The following TM9SF4 variants were observed in gnomAD, a reference collection of about 807,000 sequenced individuals.
TM9SF4 encodes the protein dinucleotide oxidase disulfide thiol exchanger 3 superfamily member 4.
In TM9SF4, 26 loss-of-function variants were observed where a neutral mutation model predicts 90.4. The ratio of observed to expected loss-of-function variants is 0.29; its 90% confidence interval spans 0.21 to 0.40. TM9SF4 has a LOEUF of 0.40. TM9SF4 is among the 10% of genes least tolerant of loss of function. The pLI is 1.00. For missense variants in TM9SF4, 549 were observed against 834.8 expected, an observed-to-expected ratio of 0.66 and a Z score of 4.22; for synonymous variants, 293 against 315.4, an observed-to-expected ratio of 0.93 and a Z score of 0.75.
rs118130159 is a variant in TM9SF4 at position 32,135,132 on chromosome 20, A to G, written c.130-942A>G. ...TTTTTGTAACATTTCGATGGGTTCT[A>G]TTTTGTCTGTGGTTTCCAGAGCTAT... is the stretch of plus-strand genomic sequence containing the variant. On this transcript the variant is annotated intron_variant, in intron 2 of 17. Coordinates refer to ENST00000398022, the MANE Select transcript of TM9SF4 (RefSeq NM_014742.4). 1.4e-3 allele frequency among the ~76,000 whole-genome samples: 212 copies of G among 152,210 alleles called. 5 individuals carry two copies. In the East Asian group the frequency reaches 0.036, roughly 26 times the overall value.
intron 1 of TM9SF4, among the ~76,000 whole-genome samples, chr20:32,112,649 G>T (rs930249318): frequency 1.5e-4 from 23 of 148,894 alleles, no homozygotes; most frequent in African/African-American, 5.5e-4. Flanking sequence ...AGCCAAGATC[G>T]TGTCACTGCA....
intron 17 of TM9SF4, among the ~76,000 whole-genome samples, chr20:32,162,249 T>TA (rs1378250885): frequency 1.1e-3 from 169 of 151,978 alleles, no homozygotes; most frequent in African/African-American, 3.9e-3. Context: ...CAAAATAGAG[T>TA]TGTAGGTCAG....
At chr20:32,156,173 T>C (rs2046916897) in intron 13 of TM9SF4, among the ~76,000 whole-genome samples, 1 of 152,208 alleles carries the variant, frequency 6.6e-6, no homozygotes, top group African/African-American at 2.4e-5. Flanking sequence ...ATTTATAAAA[T>C]AACAGCAAAC....
At chr20:32,117,321 G>A (rs542595011) in intron 1 of TM9SF4, among the ~76,000 whole-genome samples, 9 of 151,984 alleles carry the variant, frequency 5.9e-5, no homozygotes, top group Non-Finnish European at 1.3e-4. Flanking sequence ...AGTAGGAAAG[G>A]CATGGAACAG....
intron 17 of TM9SF4, among the ~76,000 whole-genome samples, chr20:32,163,831 G>A (rs1018948388): frequency 6.6e-6 from 1 of 151,918 alleles, no homozygotes; most frequent in Admixed American, 6.6e-5. Context: ...GGCTGGTCTT[G>A]AACTCCTGAC....
chr20:32,134,807 G>C (rs2046571685), intron 2 of TM9SF4, among the ~76,000 whole-genome samples: 2 of 151,872 alleles, frequency 1.3e-5, no homozygotes, highest in South Asian at 4.2e-4. Context: ...TGAGTAGCTG[G>C]GATTATAGGT....
intron 9 of TM9SF4, 107 bp from the exon 10 acceptor site, chr20:32,149,527 G>A (rs1294958942): frequency 5.6e-6 from 8 of 1,440,892 alleles, no homozygotes; most frequent in Middle Eastern, 1.8e-4. Context: ...CTGTGTCAGA[G>A]CAGCGCTGGT....
intron 2 of TM9SF4, among the ~76,000 whole-genome samples, chr20:32,133,912 T>A (rs1029290678): frequency 6.6e-6 from 1 of 151,944 alleles, no homozygotes; most frequent in Non-Finnish European, 1.5e-5. Flanking sequence ...GCTAAAGTGA[T>A]CCTTCTGCCT....
At chr20:32,132,223 G>T (rs113849750) in intron 1 of TM9SF4, among the ~76,000 whole-genome samples, 15,023 of 152,104 alleles carry the variant, frequency 0.099, 1,542 homozygotes, top group African/African-American at 0.26. Context: ...GGGCAATGTG[G>T]TGAAACCCCG....
chr20:32,138,399 T>C (rs2046624067), intron 3 of TM9SF4, among the ~76,000 whole-genome samples: 1 of 152,138 alleles, frequency 6.6e-6, no homozygotes, highest in South Asian at 2.1e-4. Context: ...GAGGCCAGAG[T>C]AGGCGGATCA....
chr20:32,160,191 G>T (rs2046994514), intron 16 of TM9SF4, 80 bp downstream of exon 16: 6 of 1,591,854 alleles, frequency 3.8e-6, no homozygotes, highest in Non-Finnish European at 4.3e-6. Flanking sequence ...CTGCGGAGAG[G>T]CTGGGTCTGG....
intron 1 of TM9SF4, among the ~76,000 whole-genome samples, chr20:32,121,249 G>C (rs913421139): frequency 2.7e-5 from 4 of 146,252 alleles, no homozygotes; most frequent in Admixed American, 6.9e-5. Context: ...GTTTCTCACA[G>C]AGGGGGATTT....
At chr20:32,117,657 G>C (rs1404562237) in intron 1 of TM9SF4, among the ~76,000 whole-genome samples, 2 of 91,402 alleles carry the variant, frequency 2.2e-5, no homozygotes, top group Admixed American at 1.6e-4. Flanking sequence ...GAATAAAACA[G>C]ATGGGGAGGG....
At chr20:32,136,271 C>A in intron 3 of TM9SF4, 98 bp downstream of exon 3, 1 of 1,126,044 alleles carries the variant, frequency 8.9e-7, no homozygotes, top group Non-Finnish European at 1.3e-6. Flanking sequence ...ATATTCTAGA[C>A]ACTGGTCTAC....
intron 2 of TM9SF4, among the ~76,000 whole-genome samples, chr20:32,135,663 G>A (rs148465989): frequency 7.9e-4 from 120 of 152,322 alleles, no homozygotes; most frequent in Middle Eastern, 3.4e-3. Flanking sequence ...GTAGGTCAAA[G>A]CCTGAGGCAG....
chr20:32,123,149 G>C (rs2046352943), intron 1 of TM9SF4, among the ~76,000 whole-genome samples: 1 of 117,582 alleles, frequency 8.5e-6, no homozygotes, highest in Admixed American at 8.8e-5. Context: ...GGCATGAGAG[G>C]GAGACCATGA....
In TM9SF4 at chr20:32,136,092, T is replaced by C. The variant is rs756191563; in HGVS notation, c.148T>C (p.Ser50Pro). ...CCATCAGGCTGTGAAGCTCACCAGC[T>C]CTCGAACCCAGCTACCTTATGAATA... ...VEIKAVKLTS[S>P]RTQLPYEYYS... is the part of the protein sequence containing the mutation. The change falls in exon 3 of 18, where the codon TCT becomes CCT. Residue 50 changes from serine (S) to proline (P), a missense_variant. Transcript: ENST00000398022. 1 of 1,614,186 alleles carries C rather than the reference T, an allele frequency of 6.2e-7. No individual in the cohort carries two copies. The highest frequency in any genetic ancestry group is 8.5e-7 in the Non-Finnish European group (1 of 1,180,024).
intron 1 of TM9SF4, among the ~76,000 whole-genome samples, chr20:32,124,148 A>G (rs2046384578): frequency 6.6e-6 from 1 of 152,108 alleles, no homozygotes; most frequent in African/African-American, 2.4e-5. Flanking sequence ...GTGAGCCTCC[A>G]TGCCTGGCCT....
chr20:32,136,013 A>C (rs2046589693), intron 2 of TM9SF4, 61 bp from the exon 3 acceptor site: 18 of 1,461,130 alleles, frequency 1.2e-5, no homozygotes, highest in Non-Finnish European at 1.7e-5. Context: ...AAGTGTACTA[A>C]AGATGTGTGG....
Sources: allele counts gnomAD v4.1 joint callset (sites outside exome capture counted in the v4.1 genomes callset), GRCh38; gene constraint gnomAD v4.1.1; transcripts MANE v1.5; gene names NCBI Gene and HGNC (gene_info 2026-07-23, HGNC 2026-07-21).